TRAF7: variants seen among roughly 807,000 people sequenced by gnomAD.
The protein encoded by TRAF7 is E3 ubiquitin-protein ligase TRAF7.
In TRAF7, 45 loss-of-function variants were observed where a neutral mutation model predicts 89.3. That is an observed-to-expected ratio of 0.50 (90% CI 0.40 to 0.65). TRAF7 has a LOEUF of 0.65. TRAF7 is among the 30% of genes least tolerant of loss of function. TRAF7 has a pLI of 0.00. For synonymous variants in TRAF7, 406 were observed against 369.2 expected (o/e 1.10, Z -1.14); for missense variants, 677 against 918.1 (o/e 0.74, Z 3.39).
intron 3 of TRAF7, among the ~76,000 whole-genome samples, chr16:2,166,347 C>T (rs1484162407): frequency 6.6e-6 from 1 of 152,192 alleles, no homozygotes. Context: ...CCTAGGGCTT[C>T]AGTAACAGTG....
chr16:2,174,785 G>T (rs2093128565), intron 14 of TRAF7, among the ~76,000 whole-genome samples: 1 of 152,220 alleles, frequency 6.6e-6, no homozygotes, highest in Non-Finnish European at 1.5e-5. Context: ...AAGTAAGCGT[G>T]TGCGTGAGAG....
rs1410828785 is a variant in TRAF7 at position 2,161,487 on chromosome 16, G to A, written c.-38-2396G>A. Reference sequence around the variant, plus strand: ...GAGGCCAGCCCGACCCATCCCAGGGGAGTGCCTGCTGGGGTCCTGGCCACC... The same window carrying A: ...GAGGCCAGCCCGACCCATCCCAGGGAAGTGCCTGCTGGGGTCCTGGCCACC... On this transcript the variant is annotated intron_variant, in intron 1 of 20. Transcript: ENST00000326181. This position sits in a 1 kb window ranked among gnomAD's most constrained non-coding sequence, Gnocchi z 5.2. Among the ~76,000 whole-genome samples the A allele has an allele frequency of 6.6e-6, 1 of 152,284 alleles. No homozygotes were observed. The highest frequency in any genetic ancestry group is 3.4e-3 in the Middle Eastern group (1 of 294).
At chr16:2,173,592 C>G (rs2093122647) in intron 11 of TRAF7, 38 bp downstream of exon 11, 1 of 1,606,278 alleles carries the variant, frequency 6.2e-7, no homozygotes, top group South Asian at 1.1e-5. Flanking sequence ...GTTGTGAGAC[C>G]CGGGGAGGCC....
In TRAF7 at chr16:2,176,548, C is replaced by A. The variant is rs755386403; in HGVS notation, c.1999-12C>A. On this transcript the variant is annotated splice_polypyrimidine_tract_variant and intron_variant, in intron 20 of 20. Transcript: ENST00000326181. ...CGCAGGACATCCTGGTGAAGCAGCCCTTTCTCTGCAGGTTTGGACTTGCTA... is the reference window on the plus strand; with the variant it reads ...CGCAGGACATCCTGGTGAAGCAGCCATTTCTCTGCAGGTTTGGACTTGCTA... 9.9e-6 allele frequency: 16 copies of A among 1,613,292 alleles called. No individual in the cohort carries two copies. The highest frequency in any genetic ancestry group is 1.4e-5 in the Non-Finnish European group (16 of 1,180,020).
chr16:2,170,647 G>A lies in TRAF7; in HGVS notation c.265G>A (p.Ala89Thr), dbSNP rs376429748. ...PISTPRRSDS[A>T]ISVRSLHSES... Reference sequence around the variant, plus strand: ...CAGCACTCCCCGCCGCTCCGACTCCGCCATCTCTGTCCGCTCCCTGCACTC... The same window carrying A: ...CAGCACTCCCCGCCGCTCCGACTCCACCATCTCTGTCCGCTCCCTGCACTC... Residue 89 changes from alanine to threonine, a missense_variant, in exon 5 of 21, where the codon GCC becomes ACC. By Grantham distance (58) the Ala-to-Thr change is moderately conservative (BLOSUM62 0). This residue lies in a region of TRAF7 where 240 missense variants were observed against 191.9 expected (regional missense o/e 1.25). Transcript: ENST00000326181. The A allele has an allele frequency of 2.5e-6, 4 of 1,610,124 alleles. No homozygotes were observed. Among genetic ancestry groups the A allele is most frequent in the African/African-American group, 1.3e-5 (1 of 74,748 alleles).
At chr16:2,173,859 T>TGGGGCGCCCCCCC in intron 12 of TRAF7, 23 bp downstream of exon 12, 1 of 1,246,234 alleles carries the variant, frequency 8.0e-7, no homozygotes, top group Non-Finnish European at 1.1e-6. Flanking sequence ...CCGCCGTGGC[T>TGGGGCGCCCCCCC]CCCGCCCACC....
chr16:2,176,946 G>C lies in TRAF7; in HGVS notation c.*372G>C, dbSNP rs1482998934. 6.7e-6 allele frequency: 3 copies of C among 444,514 alleles called. No homozygotes were observed. Among genetic ancestry groups the C allele is most frequent in the African/African-American group, 1.9e-5 (1 of 51,292 alleles). The allele number at this position is 444,514 out of a possible 1,614,324, so 27.5% of individuals were successfully genotyped here. On this transcript the variant is annotated 3_prime_UTR_variant, in exon 21 of 21. Transcript: ENST00000326181. The stretch of plus-strand genomic sequence containing the variant: ...AATGCTCCACAGACTGTGGCTGTGA[G>C]TGGGGACAGCTCCTCGGGACAAGGG...
In TRAF7 at chr16:2,161,012, G is replaced by A. The variant is rs545232060; in HGVS notation, c.-38-2871G>A. ...GCTGAGGGGAGGCCTCGGGCATCTT[G>A]CTCAATTCCGAGGTGCGGGGATGGA... On this transcript the variant is annotated intron_variant, in intron 1 of 20. Coordinates refer to ENST00000326181, the MANE Select transcript of TRAF7 (RefSeq NM_032271.3). The surrounding 1 kb of genome is among the most constrained non-coding windows in gnomAD (Gnocchi z 5.2). Among the ~76,000 whole-genome samples the A allele has an allele frequency of 3.3e-5, 5 of 152,188 alleles. No homozygotes were observed. Among genetic ancestry groups the A allele is most frequent in the Non-Finnish European group, 7.4e-5 (5 of 67,974 alleles).
chr16:2,166,056 C>T lies in TRAF7; in HGVS notation c.139+120C>T, dbSNP rs879104589. The T allele has an allele frequency of 2.5e-4, 315 of 1,275,734 alleles. 3 individuals carry two copies. In the South Asian group the frequency reaches 3.3e-3, roughly 13 times the overall value. The allele number at this position is 1,275,734 out of a possible 1,614,324, so 79.0% of individuals were successfully genotyped here. A position where few individuals can be genotyped will look rare whatever the true frequency, so the allele number is the denominator to read the frequency against. On this transcript the variant is annotated intron_variant, in intron 3 of 20. Coordinates refer to ENST00000326181, the MANE Select transcript of TRAF7 (RefSeq NM_032271.3). ...TGGTGTTGGGTGCCAGTGCTGGGCGCGGGCAGCCTCACACCGCAGCCTGTG... is the reference window on the plus strand; with the variant it reads ...TGGTGTTGGGTGCCAGTGCTGGGCGTGGGCAGCCTCACACCGCAGCCTGTG...
At chr16:2,169,802 G>A (rs2093101017) in intron 4 of TRAF7, among the ~76,000 whole-genome samples, 1 of 152,188 alleles carries the variant, frequency 6.6e-6, no homozygotes, top group South Asian at 2.1e-4. Context: ...AATGCCCCCC[G>A]CCGGCCTTGG....
intron 3 of TRAF7, among the ~76,000 whole-genome samples, chr16:2,167,085 G>A (rs1339136729): frequency 6.6e-6 from 1 of 152,138 alleles, no homozygotes; most frequent in Non-Finnish European, 1.5e-5. Context: ...CTCTCCAGGG[G>A]CCCTCTTTTT....
rs962071174 is a variant in TRAF7, at chr16:2,159,630, G to A, written c.-39+3772G>A. 6.6e-5 allele frequency among the ~76,000 whole-genome samples: 10 copies of A among 152,176 alleles called. No homozygotes were observed. The highest frequency in any genetic ancestry group is 2.4e-4 in the African/African-American group (10 of 41,426). On this transcript the variant is annotated intron_variant, in intron 1 of 20. Transcript: ENST00000326181. This position sits in a 1 kb window ranked among gnomAD's most constrained non-coding sequence, Gnocchi z 6.5. ...TGTGATGCCAGGGGCCACGCTCGGAGCTCTGGCCGCAGTCCAGCCAGCCGG... is the reference window on the plus strand; with the variant it reads ...TGTGATGCCAGGGGCCACGCTCGGAACTCTGGCCGCAGTCCAGCCAGCCGG...
intron 12 of TRAF7, 21 bp downstream of exon 12, chr16:2,173,857 G>GCGGGGGGGGGCCCCCCCCC: frequency 1.2e-6 from 2 of 1,607,488 alleles, no homozygotes; most frequent in Non-Finnish European, 8.5e-7. Flanking sequence ...ACCCGCCGTG[G>GCGGGGGGGGGCCCCCCCCC]CTCCCGCCCA....
rs2093063893 is a variant in TRAF7 at position 2,163,019 on chromosome 16, TCTGTCC to T, written c.-38-863_-38-858del. On this transcript the variant is annotated intron_variant, in intron 1 of 20. Coordinates refer to ENST00000326181, the MANE Select transcript of TRAF7 (RefSeq NM_032271.3). This position sits in a 1 kb window ranked among gnomAD's most constrained non-coding sequence, Gnocchi z 4.3. ...AGCATGGACAGCCCCTTCCCCGGGCTCTGTCCTGGGTGTGACCTGTTGGCTGGGTCT... is the reference window on the plus strand; with the variant it reads ...AGCATGGACAGCCCCTTCCCCGGGCTTGGGTGTGACCTGTTGGCTGGGTCT... 6.6e-6 allele frequency among the ~76,000 whole-genome samples: 1 copy of T among 151,128 alleles called. No homozygotes were observed. The highest frequency in any genetic ancestry group is 1.5e-5 in the Non-Finnish European group (1 of 67,788).
At position 2,177,760 on chromosome 16, in the gene TRAF7, C is replaced by T. The variant is rs967376579; in HGVS notation, c.*1186C>T. ...ACCCACCCGCGCCCTGGGACGCAGCCACGCCAGGAGGAGGACACGGCCGCC... is the reference window on the plus strand; with the variant it reads ...ACCCACCCGCGCCCTGGGACGCAGCTACGCCAGGAGGAGGACACGGCCGCC... On this transcript the variant is annotated 3_prime_UTR_variant, in exon 21 of 21. Coordinates refer to ENST00000326181, the MANE Select transcript of TRAF7 (RefSeq NM_032271.3). 1 of 244,202 alleles carries T rather than the reference C, an allele frequency of 4.1e-6. No homozygotes were observed. Among genetic ancestry groups the T allele is most frequent in the African/African-American group, 2.2e-5 (1 of 45,074 alleles). 15.1% of individuals were successfully genotyped at this position (244,202 alleles called of 1,614,324 possible).
intron 4 of TRAF7, among the ~76,000 whole-genome samples, 167 bp from the exon 5 acceptor site, chr16:2,170,447 C>T (rs1485960086): frequency 6.6e-6 from 1 of 152,246 alleles, no homozygotes; most frequent in East Asian, 1.9e-4. Flanking sequence ...GTTGCATCAG[C>T]TCCCCACGCC....
rs1029177895 is a variant in TRAF7 at position 2,176,942 on chromosome 16, G to A, written c.*368G>A. ...AATAAATGCTCCACAGACTGTGGCT[G>A]TGAGTGGGGACAGCTCCTCGGGACA... On this transcript the variant is annotated 3_prime_UTR_variant, in exon 21 of 21. Transcript: ENST00000326181. The A allele has an allele frequency of 2.0e-5, 9 of 449,014 alleles. No homozygotes were observed. The highest frequency in any genetic ancestry group is 3.3e-5 in the Non-Finnish European group (8 of 241,414). The allele number at this position is 449,014 out of a possible 1,614,324, so 27.8% of individuals were successfully genotyped here.
chr16:2,163,822 G>C lies in TRAF7; in HGVS notation c.-38-61G>C. On this transcript the variant is annotated intron_variant, in intron 1 of 20. Coordinates refer to ENST00000326181, the MANE Select transcript of TRAF7 (RefSeq NM_032271.3). This position sits in a 1 kb window ranked among gnomAD's most constrained non-coding sequence, Gnocchi z 4.3. ...CAGGTCTGCACACTTGCAGCAGCCCGTCTGACTCACAGGGGCCTGGGCTCC... is the reference window on the plus strand; with the variant it reads ...CAGGTCTGCACACTTGCAGCAGCCCCTCTGACTCACAGGGGCCTGGGCTCC... 1 of 1,124,736 alleles carries C rather than the reference G, an allele frequency of 8.9e-7. No homozygotes were observed. The highest frequency in any genetic ancestry group is 1.3e-5 in the South Asian group (1 of 76,176). The allele number at this position is 1,124,736 out of a possible 1,614,324, so 69.7% of individuals were successfully genotyped here.
intron 5 of TRAF7, 90 bp downstream of exon 5, chr16:2,170,820 C>G (rs2093106349): frequency 7.9e-7 from 1 of 1,268,386 alleles, no homozygotes. Flanking sequence ...CATGCCCGCC[C>G]AGCTCACAGG....
Sources: allele counts gnomAD v4.1 joint callset (sites outside exome capture counted in the v4.1 genomes callset), GRCh38; gene constraint gnomAD v4.1.1; regional missense constraint gnomAD v4.1.1; non-coding constraint Gnocchi (gnomAD v3.1); transcripts MANE v1.5; gene names NCBI Gene and HGNC (gene_info 2026-07-23, HGNC 2026-07-21).